The following PALMD variants were observed in gnomAD, a reference collection of about 807,000 sequenced individuals.
The protein encoded by PALMD is paralemmin-like protein.
Under a neutral mutation model 56.2 loss-of-function variants are expected in PALMD, and 42 were observed. That is an observed-to-expected ratio of 0.75 (90% CI 0.58 to 0.97). PALMD has a LOEUF of 0.97. Among genes scored for constraint, PALMD ranks in the 50% least tolerant of loss-of-function variants. PALMD has a pLI of 0.00. For missense variants in PALMD, 660 were observed against 643.8 expected (o/e 1.03, Z -0.27); for synonymous variants, 242 against 222.9 (o/e 1.09, Z -0.76).
intron 1 of PALMD, 133 bp downstream of exon 1, chr1:99,646,495 TTCTC>T: frequency 4.1e-6 from 3 of 726,036 alleles, no homozygotes; most frequent in Non-Finnish European, 7.5e-6. Flanking sequence ...GAGTCTCTGT[TTCTC>T]TCTTAACCCT....
intron 1 of PALMD, among the ~76,000 whole-genome samples, chr1:99,648,453 A>G (rs1432967281): frequency 6.6e-6 from 1 of 152,232 alleles, no homozygotes; most frequent in African/African-American, 2.4e-5. Context: ...GAGTATGCAG[A>G]GAGTTTGCAA....
chr1:99,694,041 G>A lies in PALMD; in HGVS notation c.1635G>A (p.Lys545=). ...CAGCTTTAAGGATGAGAATGGCAAA[G>A]CTGGGAAAAAAGGTGATCTAAGAGT... ...SLTALRMRMA[K]LGKKVI The change falls in exon 8 of 8, where the codon AAG becomes AAA. Residue 545 remains lysine (K), a synonymous_variant. Coordinates refer to ENST00000263174, the MANE Select transcript of PALMD (RefSeq NM_017734.5). 1 of 1,603,302 alleles carries A rather than the reference G, an allele frequency of 6.2e-7. No homozygotes were observed. The highest frequency in any genetic ancestry group is 8.5e-7 in the Non-Finnish European group (1 of 1,172,870).
In PALMD at chr1:99,694,091, T is replaced by G. The variant is rs766796746; in HGVS notation, c.*29T>G. The G allele has an allele frequency of 6.7e-7, 1 of 1,490,488 alleles. No homozygotes were observed. Among genetic ancestry groups the G allele is most frequent in the Admixed American group, 1.9e-5 (1 of 53,156 alleles). 92.3% of individuals were successfully genotyped at this position (1,490,488 alleles called of 1,614,324 possible). On this transcript the variant is annotated 3_prime_UTR_variant, in exon 8 of 8. Coordinates refer to ENST00000263174, the MANE Select transcript of PALMD (RefSeq NM_017734.5). ...TTGTACCACCTATATAAACATCCTT[T>G]GAAGAAGAAACTAAGAAGCATTTGC...
intron 3 of PALMD, 33 bp downstream of exon 3, chr1:99,667,799 C>T: frequency 1.3e-6 from 2 of 1,596,274 alleles, no homozygotes; most frequent in Non-Finnish European, 1.7e-6. Flanking sequence ...CCACAACTAC[C>T]TTTATTTTGA....
chr1:99,662,316 C>T lies in PALMD; in HGVS notation c.46-3C>T, dbSNP rs1026635675. The T allele has an allele frequency of 4.8e-6, 7 of 1,470,958 alleles. No individual in the cohort carries two copies. The African/African-American group carries it at 9.8e-5, about 21-fold the overall frequency. The allele number at this position is 1,470,958 out of a possible 1,614,324, so 91.1% of individuals were successfully genotyped here. A position where few individuals can be genotyped will look rare whatever the true frequency, so the allele number is the denominator to read the frequency against. On this transcript the variant is annotated splice_polypyrimidine_tract_variant and splice_region_variant and intron_variant, in intron 1 of 7. Coordinates refer to ENST00000263174, the MANE Select transcript of PALMD (RefSeq NM_017734.5). ...AAAATATACTGGAACTTTTTTATTTCAGGATAAAAGAAAAATACAGGAAGA... is the reference window on the plus strand; with the variant it reads ...AAAATATACTGGAACTTTTTTATTTTAGGATAAAAGAAAAATACAGGAAGA...
At chr1:99,685,975 G>A (rs2100874414) in intron 3 of PALMD, 1 of 152,292 alleles carries the variant, frequency 6.6e-6, no homozygotes, top group Middle Eastern at 3.4e-3. Flanking sequence ...AGTTTCAAAT[G>A]TCTGTCTCTT....
chr1:99,690,771 G>C lies in PALMD; in HGVS notation c.1612+899G>C, dbSNP rs543262723. On this transcript the variant is annotated intron_variant, in intron 7 of 7. Transcript: ENST00000263174. ...ATACAATTTCTGTATGTTTGCTAGG[G>C]ATAGTAATTTTAAATGTCTCTAATG... Among the ~76,000 whole-genome samples the C allele has an allele frequency of 3.9e-5, 6 of 152,164 alleles. No homozygotes were observed. In the East Asian group the frequency reaches 1.2e-3, roughly 29 times the overall value.
chr1:99,646,468 T>G (rs919242069), intron 1 of PALMD, 106 bp downstream of exon 1: 1 of 833,780 alleles, frequency 1.2e-6, no homozygotes, highest in African/African-American at 1.7e-5. Flanking sequence ...AAAACAGAAC[T>G]GTCAGCCTTC....
intron 3 of PALMD, chr1:99,668,341 A>G (rs1043912156): frequency 2.0e-5 from 3 of 152,420 alleles, no homozygotes; most frequent in African/African-American, 7.2e-5. Flanking sequence ...GTGCATATTG[A>G]TGACTTACTC....
At chr1:99,687,332 C>CTAT in intron 6 of PALMD, 143 bp downstream of exon 6, 3 of 828,084 alleles carry the variant, frequency 3.6e-6, no homozygotes, top group South Asian at 2.0e-5. Context: ...TGTGAGTCAC[C>CTAT]GCATAGGTGA....
Position 99,694,482 on chromosome 1 carries a change from A to C in PALMD, c.*420A>C, listed in dbSNP as rs1257363243. 6.4e-6 allele frequency: 1 copy of C among 156,460 alleles called. No individual in the cohort carries two copies. The highest frequency in any genetic ancestry group is 1.4e-5 in the Non-Finnish European group (1 of 71,080). 9.7% of individuals were successfully genotyped at this position (156,460 alleles called of 1,614,324 possible). ...ACAGAAGTATTCAACTCTGACAAATAAATATGTCATCCTGAATTAATAATG... is the reference window on the plus strand; with the variant it reads ...ACAGAAGTATTCAACTCTGACAAATCAATATGTCATCCTGAATTAATAATG... On this transcript the variant is annotated 3_prime_UTR_variant, in exon 8 of 8. Transcript: ENST00000263174.
intron 1 of PALMD, among the ~76,000 whole-genome samples, chr1:99,647,160 C>A (rs532711192): frequency 6.6e-6 from 1 of 152,262 alleles, no homozygotes; most frequent in South Asian, 2.1e-4. Context: ...ACTTGGAAAT[C>A]TGTGTCACAA....
At chr1:99,659,008 C>T (rs543966830) in intron 1 of PALMD, among the ~76,000 whole-genome samples, 1 of 151,962 alleles carries the variant, frequency 6.6e-6, no homozygotes, top group Non-Finnish European at 1.5e-5. Context: ...TGCACAACTC[C>T]TAATATCATC....
At chr1:99,679,948 T>C (rs949687684) in intron 3 of PALMD, among the ~76,000 whole-genome samples, 1 of 152,204 alleles carries the variant, frequency 6.6e-6, no homozygotes, top group Non-Finnish European at 1.5e-5. Context: ...AATGGAAATA[T>C]GCAATATGTG....
chr1:99,648,883 T>C (rs1308657376), intron 1 of PALMD, among the ~76,000 whole-genome samples: 1 of 118,040 alleles, frequency 8.5e-6, no homozygotes, highest in Non-Finnish European at 1.8e-5. Context: ...TCTTTTTCTT[T>C]TTCTCAAAAA....
Position 99,694,158 on chromosome 1 carries a change from C to A in PALMD, c.*96C>A, listed in dbSNP as rs542059412. 238 of 816,644 alleles carry A rather than the reference C, an allele frequency of 2.9e-4. No homozygotes were observed. The African/African-American group carries it at 3.5e-3, about 12-fold the overall frequency. The allele number at this position is 816,644 out of a possible 1,614,324, so 50.6% of individuals were successfully genotyped here. ...TATTTTGTTTATTTTTTCTGAAGTC[C>A]AAAAAATTATCATTACAGTGTACCA... On this transcript the variant is annotated 3_prime_UTR_variant, in exon 8 of 8. Transcript: ENST00000263174.
intron 1 of PALMD, among the ~76,000 whole-genome samples, chr1:99,647,649 C>A (rs927687080): frequency 1.3e-5 from 2 of 152,234 alleles, no homozygotes; most frequent in African/African-American, 2.4e-5. Context: ...CTTTAAGGGA[C>A]AGGAACTCGG....
chr1:99,647,321 G>A (rs1282366836), intron 1 of PALMD, among the ~76,000 whole-genome samples: 2 of 152,026 alleles, frequency 1.3e-5, no homozygotes, highest in African/African-American at 4.8e-5. Context: ...GCTAGATCAG[G>A]GATTTTTTGT....
Position 99,694,001 on chromosome 1 carries a change from T to G in PALMD, c.1613-18T>G. ...AGGATTTTTTTTATAACTCTCTTTT[T>G]TTTTCTTTAATTTGCAGCTTTAAGG... On this transcript the variant is annotated intron_variant, in intron 7 of 7. Coordinates refer to ENST00000263174, the MANE Select transcript of PALMD (RefSeq NM_017734.5). 1 of 1,580,232 alleles carries G rather than the reference T, an allele frequency of 6.3e-7. No homozygotes were observed. Among genetic ancestry groups the G allele is most frequent in the Non-Finnish European group, 8.6e-7 (1 of 1,157,228 alleles).
Sources: gnomAD v4.1 joint callset for allele counts (sites outside exome capture counted in the v4.1 genomes callset) on GRCh38, gnomAD v4.1.1 for gene constraint, MANE v1.5 for transcripts, NCBI Gene and HGNC (gene_info 2026-07-23, HGNC 2026-07-21) for gene names.